SLC13A1: variants seen among roughly 807,000 people sequenced by gnomAD.
SLC13A1 encodes the protein Na(+)/sulfate cotransporter.
Under a neutral mutation model 70.0 loss-of-function variants are expected in SLC13A1, and 65 were observed. The ratio of observed to expected loss-of-function variants is 0.93; its 90% confidence interval spans 0.76 to 1.14. SLC13A1 has a LOEUF of 1.14. Among genes scored for constraint, SLC13A1 ranks in the 50% most tolerant of loss-of-function variants. The pLI, the probability that SLC13A1 is intolerant of heterozygous loss-of-function variation, is 0.00. For synonymous variants in SLC13A1, 275 were observed against 250.5 expected (o/e 1.10, Z -0.92); for missense variants, 726 against 717.8 (o/e 1.01, Z -0.13).
At chr7:123,142,638 C>CTTTTTTTTTTTT (rs753775300) in intron 7 of SLC13A1, among the ~76,000 whole-genome samples, 5 of 118,824 alleles carry the variant, frequency 4.2e-5, no homozygotes, top group African/African-American at 1.7e-4. Context: ...GGGGCAAGAA[C>CTTTTTTTTTTTT]TTTTTTTTTT....
In SLC13A1 at chr7:123,114,006, C is replaced by T. The variant is rs1793091251; in HGVS notation, c.*1512G>A. 6.8e-6 allele frequency: 1 copy of T among 147,564 alleles called. No individual in the cohort carries two copies. Among genetic ancestry groups the T allele is most frequent in the East Asian group, 2.0e-4 (1 of 4,964 alleles). The allele number at this position is 147,564 out of a possible 1,614,324, so 9.1% of individuals were successfully genotyped here. A position where few individuals can be genotyped will look rare whatever the true frequency, so the allele number is the denominator to read the frequency against. On this transcript the variant is annotated 3_prime_UTR_variant, in exon 15 of 15. Transcript: ENST00000194130. ...GGCTGAGGCAGGAGAATGGCGTGAA[C>T]CTGGGAGGCGGAGCTTGCAGTGAGC...
intron 1 of SLC13A1, among the ~76,000 whole-genome samples, chr7:123,185,046 G>C (rs961990290): frequency 6.6e-6 from 1 of 152,008 alleles, no homozygotes; most frequent in African/African-American, 2.4e-5. Context: ...GTGATGTCGA[G>C]CATTTTTTCA....
At position 123,192,245 on chromosome 7, in the gene SLC13A1, A is replaced by T. The variant is rs189832892; in HGVS notation, c.99+7603T>A. 3.0e-4 allele frequency among the ~76,000 whole-genome samples: 45 copies of T among 152,306 alleles called. 1 individual carries two copies. Among genetic ancestry groups the T allele is most frequent in the South Asian group, 2.1e-4 (1 of 4,826 alleles). On this transcript the variant is annotated intron_variant, in intron 1 of 14. Coordinates refer to ENST00000194130, the MANE Select transcript of SLC13A1 (RefSeq NM_022444.4). ...CCCAGCCCCCAGTTAAAAATATCAT[A>T]GTCATATCTTGTCTTAACCACCTCA...
At chr7:123,136,712 G>A (rs2116353052) in intron 7 of SLC13A1, among the ~76,000 whole-genome samples, 1 of 152,196 alleles carries the variant, frequency 6.6e-6, no homozygotes, top group South Asian at 2.1e-4. Context: ...GGGCACACAG[G>A]CAATAAACAG....
At chr7:123,118,733 CG>C (rs1300134259) in intron 13 of SLC13A1, among the ~76,000 whole-genome samples, 1 of 151,968 alleles carries the variant, frequency 6.6e-6, no homozygotes. Flanking sequence ...AAAGTGTCAG[CG>C]GTAGAGATCT....
At position 123,151,610 on chromosome 7, in the gene SLC13A1, G is replaced by A. The variant is rs146276729; in HGVS notation, c.661-4300C>T. Among the ~76,000 whole-genome samples, 16 of 151,988 alleles carry A rather than the reference G, an allele frequency of 1.1e-4. No homozygotes were observed. The East Asian group carries it at 1.6e-3, about 15-fold the overall frequency. Reference sequence around the variant, plus strand: ...CAATTAAATGTTTTAATTCATTTACGTCTTACAATACAATGAGGTGGGTAA... The same window carrying A: ...CAATTAAATGTTTTAATTCATTTACATCTTACAATACAATGAGGTGGGTAA... On this transcript the variant is annotated intron_variant, in intron 6 of 14. Coordinates refer to ENST00000194130, the MANE Select transcript of SLC13A1 (RefSeq NM_022444.4).
At chr7:123,132,612 TC>T (rs1793805376) in intron 8 of SLC13A1, among the ~76,000 whole-genome samples, 1 of 152,120 alleles carries the variant, frequency 6.6e-6, no homozygotes, top group Admixed American at 6.6e-5. Context: ...CCTCAGGAGA[TC>T]CACTCCCCTG....
chr7:123,115,407 A>G lies in SLC13A1; in HGVS notation c.*111T>C. On this transcript the variant is annotated 3_prime_UTR_variant, in exon 15 of 15. Coordinates refer to ENST00000194130, the MANE Select transcript of SLC13A1 (RefSeq NM_022444.4). ...GGTATTCACAGGAATTGCAGCAGCTACACCATAACTGATTTAAATGTGTGT... is the reference window on the plus strand; with the variant it reads ...GGTATTCACAGGAATTGCAGCAGCTGCACCATAACTGATTTAAATGTGTGT... The G allele has an allele frequency of 9.0e-7, 1 of 1,113,988 alleles. No homozygotes were observed. 69.0% of individuals were successfully genotyped at this position (1,113,988 alleles called of 1,614,324 possible).
chr7:123,150,964 G>C (rs1360789884), intron 6 of SLC13A1, among the ~76,000 whole-genome samples: 1 of 151,864 alleles, frequency 6.6e-6, no homozygotes, highest in African/African-American at 2.4e-5. Context: ...TTTTATGCCA[G>C]ATCACCAAAC....
chr7:123,184,468 A>G (rs574734894), intron 1 of SLC13A1, among the ~76,000 whole-genome samples: 1 of 152,192 alleles, frequency 6.6e-6, no homozygotes, highest in Non-Finnish European at 1.5e-5. Flanking sequence ...CTTCTATGAG[A>G]TCAACTTTTT....
At chr7:123,160,602 G>A (rs1794861340) in intron 6 of SLC13A1, among the ~76,000 whole-genome samples, 1 of 152,066 alleles carries the variant, frequency 6.6e-6, no homozygotes, top group Non-Finnish European at 1.5e-5. Flanking sequence ...ATCTTACAGA[G>A]TTTTGGAAAA....
At position 123,176,403 on chromosome 7, in the gene SLC13A1, C is replaced by T. The variant is rs145636645; in HGVS notation, c.229-4499G>A. Among the ~76,000 whole-genome samples, 1,267 of 152,198 alleles carry T rather than the reference C, an allele frequency of 8.3e-3. 18 individuals carry two copies. Among genetic ancestry groups the T allele is most frequent in the African/African-American group, 0.028 (1,176 of 41,530 alleles). On this transcript the variant is annotated intron_variant, in intron 2 of 14. Coordinates refer to ENST00000194130, the MANE Select transcript of SLC13A1 (RefSeq NM_022444.4). ...GCAAAATTGATATGTCAAATAACAT[C>T]TCTAATAAAATTTGATATCTATTTG...
intron 3 of SLC13A1, 104 bp from the exon 4 acceptor site, chr7:123,169,439 T>A: frequency 9.5e-7 from 1 of 1,056,606 alleles, no homozygotes; most frequent in Non-Finnish European, 1.4e-6. Flanking sequence ...GTTGGGAAAT[T>A]AAGTCTTTCA....
intron 6 of SLC13A1, 62 bp from the exon 7 acceptor site, chr7:123,147,372 T>A: frequency 6.4e-7 from 1 of 1,559,230 alleles, no homozygotes. Context: ...GGACTGAATA[T>A]TTGTGTCCCA....
intron 1 of SLC13A1, among the ~76,000 whole-genome samples, chr7:123,186,082 G>A (rs1795787096): frequency 6.6e-6 from 1 of 151,782 alleles, no homozygotes. Context: ...ATAGCAGAAG[G>A]TTAATTCAAA....
chr7:123,192,552 A>G (rs1381148780), intron 1 of SLC13A1, among the ~76,000 whole-genome samples: 3 of 152,174 alleles, frequency 2.0e-5, no homozygotes, highest in African/African-American at 7.2e-5. Flanking sequence ...CTGATGAATT[A>G]GTACGTATGT....
chr7:123,137,136 G>A (rs6466855), intron 7 of SLC13A1, among the ~76,000 whole-genome samples: 49,359 of 151,996 alleles, frequency 0.32, 8,289 homozygotes, highest in African/African-American at 0.41. Flanking sequence ...ATTAGTAATT[G>A]ACATAAAACA....
intron 7 of SLC13A1, 144 bp downstream of exon 7, chr7:123,147,015 G>T: frequency 1.3e-6 from 1 of 761,476 alleles, no homozygotes. Context: ...AGGAAGGTCT[G>T]TAGATCTATA....
At chr7:123,196,591 T>G (rs1796192217) in intron 1 of SLC13A1, among the ~76,000 whole-genome samples, 1 of 151,974 alleles carries the variant, frequency 6.6e-6, no homozygotes, top group Non-Finnish European at 1.5e-5. Flanking sequence ...CTGACCAGCT[T>G]AAAAAACTGG....
Sources: gnomAD v4.1 joint callset for allele counts (sites outside exome capture counted in the v4.1 genomes callset) on GRCh38, gnomAD v4.1.1 for gene constraint, MANE v1.5 for transcripts, NCBI Gene and HGNC (gene_info 2026-07-23, HGNC 2026-07-21) for gene names.